CLSTN1: variants seen among roughly 807,000 people sequenced by gnomAD.
CLSTN1 encodes calsyntenin-1.
Under a neutral mutation model 108.3 loss-of-function variants are expected in CLSTN1, and 28 were observed. The observed-to-expected ratio is 0.26, with a 90% CI of 0.19 to 0.35. The LOEUF (loss-of-function observed/expected upper bound fraction) is 0.35. CLSTN1 is among the 10% of genes least tolerant of loss of function. The pLI is 1.00. For missense variants in CLSTN1, 1,157 were observed against 1,302.6 expected (o/e 0.89, Z 1.72); for synonymous variants, 524 against 534.9 (o/e 0.98, Z 0.28).
At position 9,741,021 on chromosome 1, in the gene CLSTN1, G is replaced by C. The variant is rs975334080; in HGVS notation, c.1519+73C>G. On this transcript the variant is annotated intron_variant, in intron 10 of 18. Transcript: ENST00000377298. ...GTAAGGCTGTAGGATACCGATCACAGCCTGCTGCCACCAACCTAGTAAAGA... is the reference window on the plus strand; with the variant it reads ...GTAAGGCTGTAGGATACCGATCACACCCTGCTGCCACCAACCTAGTAAAGA... The C allele has an allele frequency of 9.9e-6, 15 of 1,512,448 alleles. No homozygotes were observed. The African/African-American group carries it at 1.8e-4, about 18-fold the overall frequency. The allele number at this position is 1,512,448 out of a possible 1,614,324, so 93.7% of individuals were successfully genotyped here.
At chr1:9,822,226 G>C (rs1263584411) in intron 1 of CLSTN1, among the ~76,000 whole-genome samples, 1 of 152,154 alleles carries the variant, frequency 6.6e-6, no homozygotes, top group Non-Finnish European at 1.5e-5. Flanking sequence ...TTCAAACTTA[G>C]CTTGATGTTA....
chr1:9,746,442 G>A (rs765762432), intron 7 of CLSTN1, among the ~76,000 whole-genome samples: 15 of 152,198 alleles, frequency 9.9e-5, no homozygotes, highest in Non-Finnish European at 1.3e-4. Flanking sequence ...GAAGCTAGAC[G>A]TGGTGGCTTG....
Position 9,796,266 on chromosome 1 carries a change from C to CA in CLSTN1, c.92-22873dup, listed in dbSNP as rs70998312. On this transcript the variant is annotated intron_variant, in intron 1 of 18. Transcript: ENST00000377298. ...GACAGGGCAAGACTGTCTCCAAAAA[C>CA]AAAAAAAAAAACAAAAAACAAAACA... Among the ~76,000 whole-genome samples, 19 of 125,884 alleles carry CA rather than the reference C, an allele frequency of 1.5e-4. No homozygotes were observed. The South Asian group carries it at 1.9e-3, about 13-fold the overall frequency. The allele number at this position is 125,884 out of a possible 152,430, so 82.6% of individuals were successfully genotyped here.
intron 1 of CLSTN1, among the ~76,000 whole-genome samples, chr1:9,797,479 A>C (rs939340911): frequency 6.6e-6 from 1 of 152,076 alleles, no homozygotes; most frequent in Non-Finnish European, 1.5e-5. Flanking sequence ...CTACAAAATA[A>C]ATTTTTTTAA....
intron 1 of CLSTN1, among the ~76,000 whole-genome samples, chr1:9,815,766 T>G (rs1442563702): frequency 6.6e-6 from 1 of 152,012 alleles, no homozygotes; most frequent in African/African-American, 2.4e-5. Context: ...TGAAACCCCG[T>G]CTCTACTAAA....
At position 9,731,260 on chromosome 1, in the gene CLSTN1, C is replaced by T. The variant is rs1650370605; in HGVS notation, c.2694G>A (p.Glu898=). Residue 898 remains glutamate, a synonymous_variant, in exon 18 of 19, where the codon GAG becomes GAA. Coordinates refer to ENST00000377298, the MANE Select transcript of CLSTN1 (RefSeq NM_001009566.3). ...CAGAGTCGTCCCAGTCCATCTCGTTCTCCTTCCCGGTGTCCTGATCCCGCA... is the reference window on the plus strand; with the variant it reads ...CAGAGTCGTCCCAGTCCATCTCGTTTTCCTTCCCGGTGTCCTGATCCCGCA... ...RTMRDQDTGK[E]NEMDWDDSAL... is the part of the protein sequence containing the mutation. 6.2e-7 allele frequency: 1 copy of T among 1,614,262 alleles called. No homozygotes were observed. Among genetic ancestry groups the T allele is most frequent in the Non-Finnish European group, 8.5e-7 (1 of 1,180,048 alleles).
Position 9,730,659 on chromosome 1 carries a change from T to A in CLSTN1, c.2795A>T (p.Glu932Val). The A allele has an allele frequency of 6.2e-7, 1 of 1,610,054 alleles. No individual in the cohort carries two copies. Among genetic ancestry groups the A allele is most frequent in the Non-Finnish European group, 8.5e-7 (1 of 1,179,878 alleles). ...TTCGCCGTCCTCGCTTTCCTCTTCC[T>A]CTTCCTCTTCCTCCTCCTCCTCACT... Reference protein sequence around the residue: ...HSSEEEEEEEEEEESEDGEEE... With the variant: ...HSSEEEEEEEVEEESEDGEEE... The change falls in exon 19 of 19, where the codon GAG becomes GTG. Residue 932 changes from glutamate to valine, a missense_variant. Glu to Val is a moderately radical substitution (Grantham distance 121). Transcript: ENST00000377298. This position sits in a 1 kb window ranked among gnomAD's most constrained non-coding sequence, Gnocchi z 5.6.
At chr1:9,765,686 C>A (rs1652293261) in intron 2 of CLSTN1, among the ~76,000 whole-genome samples, 1 of 152,066 alleles carries the variant, frequency 6.6e-6, no homozygotes, top group African/African-American at 2.4e-5. Context: ...TTGCGGCCAG[C>A]CTGGCCAACA....
In CLSTN1 at chr1:9,823,296, G is replaced by A. The variant is rs1241205140; in HGVS notation, c.91+347C>T. Among the ~76,000 whole-genome samples the A allele has an allele frequency of 2.0e-5, 3 of 152,208 alleles. No individual in the cohort carries two copies. Among genetic ancestry groups the A allele is most frequent in the Non-Finnish European group, 2.9e-5 (2 of 68,022 alleles). ...GGCGGACTGACCCTTCGGCCCGTCT[G>A]CACGTTCCCCCAAATCAGCGCAGCC... On this transcript the variant is annotated intron_variant, in intron 1 of 18. Transcript: ENST00000377298. This position sits in a 1 kb window ranked among gnomAD's most constrained non-coding sequence, Gnocchi z 6.3.
intron 1 of CLSTN1, among the ~76,000 whole-genome samples, chr1:9,800,712 A>G (rs1342198407): frequency 6.6e-6 from 1 of 150,472 alleles, no homozygotes; most frequent in Non-Finnish European, 1.5e-5. Flanking sequence ...CCTGGGCGAC[A>G]GAGTGAGATT....
intron 1 of CLSTN1, among the ~76,000 whole-genome samples, chr1:9,787,402 A>T (rs1263458867): frequency 2.2e-5 from 3 of 136,598 alleles, no homozygotes; most frequent in African/African-American, 8.2e-5. Context: ...GAGCCTTCTA[A>T]TTTTTTTTTT....
intron 7 of CLSTN1, among the ~76,000 whole-genome samples, chr1:9,748,291 T>A (rs1651378176): frequency 6.6e-6 from 1 of 152,172 alleles, no homozygotes; most frequent in South Asian, 2.1e-4. Flanking sequence ...TTCATTTAGA[T>A]AAACCAGAAA....
chr1:9,749,855 G>C lies in CLSTN1; in HGVS notation c.708C>G (p.Thr236=). Reference sequence around the variant, plus strand: ...TCTTCCCACAGTCATAGGCAGTGACGGTCAGCTTATATTGATGTTCTTTCC... The same window carrying C: ...TCTTCCCACAGTCATAGGCAGTGACCGTCAGCTTATATTGATGTTCTTTCC... The part of the protein sequence containing the change: ...NYGKEHQYKL[T]VTAYDCGKKR... The change falls in exon 6 of 19, where the codon ACC becomes ACG. Residue 236 remains threonine (T), a synonymous_variant. Transcript: ENST00000377298. 1 of 1,613,696 alleles carries C rather than the reference G, an allele frequency of 6.2e-7. No homozygotes were observed. Among genetic ancestry groups the C allele is most frequent in the South Asian group, 1.1e-5 (1 of 91,072 alleles).
At chr1:9,768,272 C>A (rs1197185401) in intron 2 of CLSTN1, among the ~76,000 whole-genome samples, 1 of 141,622 alleles carries the variant, frequency 7.1e-6, no homozygotes, top group African/African-American at 2.6e-5. Context: ...GGATGGGGTT[C>A]TATGTTGGGC....
intron 2 of CLSTN1, among the ~76,000 whole-genome samples, chr1:9,761,946 C>A (rs1445273004): frequency 6.6e-6 from 1 of 152,172 alleles, no homozygotes; most frequent in Non-Finnish European, 1.5e-5. Flanking sequence ...CAGGTGGAAG[C>A]CAAGGCGGCT....
chr1:9,813,431 G>A lies in CLSTN1; in HGVS notation c.91+10212C>T, dbSNP rs576731036. Reference sequence around the variant, plus strand: ...CGAGAATTGCTTCCACCCTGAAGGCGGAGGTTGCAGTGAGCTGAGATCATA... The same window carrying A: ...CGAGAATTGCTTCCACCCTGAAGGCAGAGGTTGCAGTGAGCTGAGATCATA... On this transcript the variant is annotated intron_variant, in intron 1 of 18. Transcript: ENST00000377298. Among the ~76,000 whole-genome samples, 9 of 151,934 alleles carry A rather than the reference G, an allele frequency of 5.9e-5. No homozygotes were observed. In the South Asian group the frequency reaches 8.3e-4, roughly 14 times the overall value.
chr1:9,783,113 G>T (rs757954913), intron 1 of CLSTN1, among the ~76,000 whole-genome samples: 1 of 152,200 alleles, frequency 6.6e-6, no homozygotes, highest in South Asian at 2.1e-4. Flanking sequence ...AGGTCCCAGG[G>T]TGGCCCTGAT....
intron 1 of CLSTN1, among the ~76,000 whole-genome samples, chr1:9,800,768 A>G (rs1654230572): frequency 7.2e-6 from 1 of 139,744 alleles, no homozygotes; most frequent in Non-Finnish European, 1.6e-5. Context: ...AATAAATAAG[A>G]AAAAAAAATA....
chr1:9,781,630 A>G (rs1262169334), intron 1 of CLSTN1, among the ~76,000 whole-genome samples: 1 of 151,950 alleles, frequency 6.6e-6, no homozygotes, highest in East Asian at 1.9e-4. Flanking sequence ...TTTAGTAGAG[A>G]TGGGGTTTCT....
Sources: allele counts gnomAD v4.1 joint callset (sites outside exome capture counted in the v4.1 genomes callset), GRCh38; gene constraint gnomAD v4.1.1; non-coding constraint Gnocchi (gnomAD v3.1); transcripts MANE v1.5; gene names NCBI Gene and HGNC (gene_info 2026-07-23, HGNC 2026-07-21).